Variants in CYSLTR2 observed in about 807,000 individuals in gnomAD.
CYSLTR2 encodes G-protein coupled receptor GPCR21.
For synonymous variants in CYSLTR2, 179 were observed against 160.8 expected, an observed-to-expected ratio of 1.11 and a Z score of -0.86; for missense variants, 398 against 411.9, an observed-to-expected ratio of 0.97 and a Z score of 0.29.
chr13:48,688,887 A>ATTC, intron 1 of CYSLTR2, among the ~76,000 whole-genome samples: 1 of 152,270 alleles, frequency 6.6e-6, no homozygotes, highest in African/African-American at 2.4e-5. Context: ...GTGTAAAAGC[A>ATTC]TTCCTATTTC....
At chr13:48,669,827 G>A (rs900306909) in intron 1 of CYSLTR2, among the ~76,000 whole-genome samples, 1 of 152,130 alleles carries the variant, frequency 6.6e-6, no homozygotes, top group Non-Finnish European at 1.5e-5. Flanking sequence ...GGTATTTCTG[G>A]TTCTAGATCC....
At chr13:48,665,544 T>C (rs1953240344) in intron 1 of CYSLTR2, among the ~76,000 whole-genome samples, 1 of 152,094 alleles carries the variant, frequency 6.6e-6, no homozygotes, top group Non-Finnish European at 1.5e-5. Flanking sequence ...TGAATTCATC[T>C]TTCTATTATT....
chr13:48,697,829 T>G (rs1477935070), intron 4 of CYSLTR2, among the ~76,000 whole-genome samples: 2 of 152,160 alleles, frequency 1.3e-5, no homozygotes, highest in African/African-American at 4.8e-5. Flanking sequence ...TTAAATGACC[T>G]GATGGAGCTG....
intron 1 of CYSLTR2, among the ~76,000 whole-genome samples, chr13:48,669,265 G>A (rs1953353056): frequency 6.6e-6 from 1 of 151,552 alleles, no homozygotes; most frequent in Non-Finnish European, 1.5e-5. Context: ...ATCCTCTCCA[G>A]CATCTGTTGT....
intron 1 of CYSLTR2, among the ~76,000 whole-genome samples, chr13:48,684,633 C>T (rs1014885339): frequency 1.3e-5 from 2 of 152,058 alleles, no homozygotes; most frequent in African/African-American, 4.8e-5. Flanking sequence ...TATAATACAA[C>T]AACTCTATGA....
At position 48,707,959 on chromosome 13, in the gene CYSLTR2, G is replaced by A. The variant is rs892143665; in HGVS notation, c.*101G>A. ...ATTTACATCACTCCCAACAAATGTTGATTCTTAATATTTAGTTGACCATTA... is the reference window on the plus strand; with the variant it reads ...ATTTACATCACTCCCAACAAATGTTAATTCTTAATATTTAGTTGACCATTA... On this transcript the variant is annotated 3_prime_UTR_variant, in exon 5 of 5. Coordinates refer to ENST00000682523, the MANE Select transcript of CYSLTR2 (RefSeq NM_001308476.3). The A allele has an allele frequency of 2.0e-6, 2 of 979,014 alleles. No homozygotes were observed. The highest frequency in any genetic ancestry group is 1.4e-6 in the Non-Finnish European group (1 of 701,010). 60.6% of individuals were successfully genotyped at this position (979,014 alleles called of 1,614,324 possible).
chr13:48,702,235 GA>G lies in CYSLTR2; in HGVS notation c.-1-4580del, dbSNP rs1363817660. On this transcript the variant is annotated intron_variant, in intron 4 of 4. Transcript: ENST00000682523. ...TGAGAACACTTGGACACAGGGTGGG[GA>G]ACATCACACACCGGCGTCTGTCATG... Among the ~76,000 whole-genome samples the G allele has an allele frequency of 3.0e-5, 4 of 134,584 alleles. No homozygotes were observed. In the East Asian group the frequency reaches 9.7e-4, roughly 33 times the overall value. 88.3% of individuals were successfully genotyped at this position (134,584 alleles called of 152,430 possible).
At chr13:48,691,700 G>C (rs1392298364) in intron 2 of CYSLTR2, among the ~76,000 whole-genome samples, 1 of 152,050 alleles carries the variant, frequency 6.6e-6, no homozygotes, top group Non-Finnish European at 1.5e-5. Flanking sequence ...AAGTGGGGTT[G>C]CTAATCGAGA....
At chr13:48,694,106 C>T (rs1483580254) in intron 3 of CYSLTR2, among the ~76,000 whole-genome samples, 3 of 152,120 alleles carry the variant, frequency 2.0e-5, no homozygotes, top group Non-Finnish European at 2.9e-5. Flanking sequence ...ACTTGTCTGA[C>T]CTTGATTCTC....
chr13:48,702,825 A>C (rs1954385697), intron 4 of CYSLTR2, among the ~76,000 whole-genome samples: 1 of 152,212 alleles, frequency 6.6e-6, no homozygotes, highest in Non-Finnish European at 1.5e-5. Context: ...CTATATCTAC[A>C]AAAAAACTTA....
intron 1 of CYSLTR2, among the ~76,000 whole-genome samples, chr13:48,673,882 G>T (rs559327392): frequency 7.9e-5 from 12 of 152,216 alleles, no homozygotes; most frequent in Non-Finnish European, 1.8e-4. Context: ...CACCTGTGAA[G>T]CTTATTTTAG....
intron 1 of CYSLTR2, among the ~76,000 whole-genome samples, chr13:48,662,460 T>G (rs1023172748): frequency 9.2e-5 from 14 of 152,176 alleles, no homozygotes; most frequent in African/African-American, 3.4e-4. Flanking sequence ...CTATACTACT[T>G]TACAGTCCCA....
At chr13:48,683,980 A>G (rs1953828751) in intron 1 of CYSLTR2, among the ~76,000 whole-genome samples, 1 of 152,206 alleles carries the variant, frequency 6.6e-6, no homozygotes. Context: ...GTATAGTGGC[A>G]TGAGCATACC....
chr13:48,680,826 CT>C (rs1953736195), intron 1 of CYSLTR2, among the ~76,000 whole-genome samples: 1 of 102,910 alleles, frequency 9.7e-6, no homozygotes. Flanking sequence ...TTTTTGCAGT[CT>C]AGTGAAATGT....
chr13:48,697,827 C>G (rs904238172), intron 4 of CYSLTR2, among the ~76,000 whole-genome samples: 1 of 152,092 alleles, frequency 6.6e-6, no homozygotes, highest in Non-Finnish European at 1.5e-5. Context: ...CCTTAAATGA[C>G]CTGATGGAGC....
At chr13:48,680,965 T>C (rs74074715) in intron 1 of CYSLTR2, among the ~76,000 whole-genome samples, 4,346 of 152,210 alleles carry the variant, frequency 0.029, 201 homozygotes, top group African/African-American at 0.099. Flanking sequence ...TGCTTTTTGC[T>C]GGTAGCCTTT....
chr13:48,694,464 A>G (rs1161840837), intron 3 of CYSLTR2, among the ~76,000 whole-genome samples: 1 of 152,248 alleles, frequency 6.6e-6, no homozygotes, highest in Admixed American at 6.5e-5. Flanking sequence ...TAGATTTGCA[A>G]TAAGTTTTAC....
chr13:48,661,281 G>A (rs1222728718), intron 1 of CYSLTR2, among the ~76,000 whole-genome samples: 1 of 151,892 alleles, frequency 6.6e-6, no homozygotes, highest in Non-Finnish European at 1.5e-5. Context: ...ATAAGGAGCT[G>A]ACGCCGAGGG....
intron 1 of CYSLTR2, among the ~76,000 whole-genome samples, chr13:48,659,715 C>G (rs761545561): frequency 1.3e-5 from 2 of 152,160 alleles, no homozygotes; most frequent in Non-Finnish European, 2.9e-5. Context: ...ATAACACTTG[C>G]TGTTCTTCTG....
Sources: gnomAD v4.1 joint callset for allele counts (sites outside exome capture counted in the v4.1 genomes callset) on GRCh38, gnomAD v4.1.1 for gene constraint, MANE v1.5 for transcripts, NCBI Gene and HGNC (gene_info 2026-07-23, HGNC 2026-07-21) for gene names.